The following TBC1D1 variants were observed in gnomAD, a reference collection of about 807,000 sequenced individuals.
TBC1D1 encodes the protein TBC1 (tre-2/USP6, BUB2, cdc16) domain family, member 1.
In TBC1D1, 89 loss-of-function variants were observed where a neutral mutation model predicts 125.6. The ratio of observed to expected loss-of-function variants is 0.71; its 90% CI spans 0.60 to 0.85. TBC1D1 has a LOEUF of 0.85. Ranked by LOEUF, TBC1D1 falls within the 40% of genes least tolerant of loss-of-function variation. The pLI is 0.00. For synonymous variants in TBC1D1, 565 were observed against 564.1 expected, an observed-to-expected ratio of 1.00 and a Z score of -0.02; for missense variants, 1,377 against 1,469.2, an observed-to-expected ratio of 0.94 and a Z score of 1.03.
At chr4:38,079,345 T>G (rs1430909684) in intron 12 of TBC1D1, among the ~76,000 whole-genome samples, 1 of 152,212 alleles carries the variant, frequency 6.6e-6, no homozygotes, top group African/African-American at 2.4e-5. Context: ...TAATACATTC[T>G]TAAGAAAATG....
At chr4:38,090,838 A>G (rs541132033) in intron 13 of TBC1D1, among the ~76,000 whole-genome samples, 2 of 152,258 alleles carry the variant, frequency 1.3e-5, no homozygotes, top group Non-Finnish European at 2.9e-5. Context: ...GGGAAGATGT[A>G]GCAGATGGTT....
intron 7 of TBC1D1, among the ~76,000 whole-genome samples, chr4:38,028,661 A>T (rs758934012): frequency 6.6e-6 from 1 of 152,218 alleles, no homozygotes; most frequent in Non-Finnish European, 1.5e-5. Flanking sequence ...TTCCTTAAAC[A>T]AATGTTAGAA....
chr4:38,068,804 C>T (rs1349747487), intron 12 of TBC1D1, among the ~76,000 whole-genome samples: 2 of 152,202 alleles, frequency 1.3e-5, no homozygotes, highest in African/African-American at 2.4e-5. Context: ...GAGCAGAGCT[C>T]TAGAACATTC....
At chr4:38,130,958 C>G (rs1294705163) in intron 18 of TBC1D1, among the ~76,000 whole-genome samples, 1 of 152,168 alleles carries the variant, frequency 6.6e-6, no homozygotes, top group Non-Finnish European at 1.5e-5. Flanking sequence ...CTTTTCTTTC[C>G]CCAAGTAATT....
chr4:37,982,068 A>G (rs1035604222), intron 2 of TBC1D1, among the ~76,000 whole-genome samples: 4 of 152,320 alleles, frequency 2.6e-5, no homozygotes, highest in African/African-American at 9.6e-5. Flanking sequence ...TTGCCCTTCC[A>G]TCATCTCTTT....
intron 2 of TBC1D1, among the ~76,000 whole-genome samples, chr4:37,934,460 G>A (rs1000579913): frequency 6.6e-6 from 1 of 152,192 alleles, no homozygotes; most frequent in Non-Finnish European, 1.5e-5. Flanking sequence ...TAAGTCACAG[G>A]CTGGGCGAGG....
intron 12 of TBC1D1, among the ~76,000 whole-genome samples, chr4:38,066,358 T>G (rs1299625681): frequency 6.6e-6 from 1 of 152,024 alleles, no homozygotes; most frequent in East Asian, 1.9e-4. Flanking sequence ...TGACAGGGTC[T>G]TGCTCTGTCA....
At chr4:38,071,529 T>C (rs1013627465) in intron 12 of TBC1D1, among the ~76,000 whole-genome samples, 9 of 152,352 alleles carry the variant, frequency 5.9e-5, no homozygotes, top group Middle Eastern at 6.8e-3. Flanking sequence ...AATAGGTAAG[T>C]TAGCCTTAGG....
chr4:38,005,973 C>T (rs1228315680), intron 2 of TBC1D1, among the ~76,000 whole-genome samples: 1 of 152,030 alleles, frequency 6.6e-6, no homozygotes, highest in Non-Finnish European at 1.5e-5. Context: ...TTGCAAATTA[C>T]CCGTGTTTTT....
intron 2 of TBC1D1, among the ~76,000 whole-genome samples, chr4:37,934,153 G>C (rs1723894187): frequency 6.6e-6 from 1 of 152,202 alleles, no homozygotes; most frequent in South Asian, 2.1e-4. Context: ...TCCAAATGCT[G>C]AGGCTGAGGC....
At chr4:38,119,995 TAACA>T in intron 17 of TBC1D1, 1 of 985,370 alleles carries the variant, frequency 1.0e-6, no homozygotes, top group Non-Finnish European at 1.2e-6. Context: ...AAAAAGACGT[TAACA>T]AACAAGCAGA....
intron 2 of TBC1D1, among the ~76,000 whole-genome samples, chr4:37,957,163 C>G (rs1184696324): frequency 6.6e-6 from 1 of 152,200 alleles, no homozygotes; most frequent in East Asian, 1.9e-4. Context: ...TTGTATAATA[C>G]TCATGGCCAC....
At chr4:37,952,437 A>T (rs2152319798) in intron 2 of TBC1D1, 1 of 212,054 alleles carries the variant, frequency 4.7e-6, no homozygotes, top group Non-Finnish European at 9.7e-6. Context: ...ACCATGGAAT[A>T]CTATGCAGCC....
chr4:38,100,464 C>T (rs1277407201), intron 14 of TBC1D1, among the ~76,000 whole-genome samples: 1 of 152,190 alleles, frequency 6.6e-6, no homozygotes, highest in Admixed American at 6.5e-5. Context: ...GAATGCTTGT[C>T]ACTGGATATA....
At chr4:38,051,511 C>G (rs2152481604) in intron 11 of TBC1D1, among the ~76,000 whole-genome samples, 1 of 152,136 alleles carries the variant, frequency 6.6e-6, no homozygotes, top group Admixed American at 6.5e-5. Context: ...AAGTGGCTCA[C>G]TCCTGTAATC....
chr4:38,029,354 G>A (rs1436039164), intron 7 of TBC1D1, among the ~76,000 whole-genome samples: 1 of 152,048 alleles, frequency 6.6e-6, no homozygotes, highest in Non-Finnish European at 1.5e-5. Context: ...AAAATGAAAG[G>A]ATTGTCTCTC....
At chr4:38,090,902 C>T (rs192834313) in intron 13 of TBC1D1, among the ~76,000 whole-genome samples, 1 of 152,332 alleles carries the variant, frequency 6.6e-6, no homozygotes, top group Admixed American at 6.5e-5. Context: ...ACATTTCATT[C>T]AGCATCATTC....
At chr4:37,924,076 G>A (rs1024177148) in intron 2 of TBC1D1, among the ~76,000 whole-genome samples, 8 of 152,140 alleles carry the variant, frequency 5.3e-5, no homozygotes, top group Admixed American at 2.0e-4. Context: ...AGACCCAGTC[G>A]TCTTACTCTC....
intron 1 of TBC1D1, among the ~76,000 whole-genome samples, chr4:37,900,182 G>C (rs1055867126): frequency 6.6e-6 from 1 of 151,106 alleles, no homozygotes; most frequent in Non-Finnish European, 1.5e-5. Flanking sequence ...AAATTCGTCA[G>C]AGCAAACAAG....
Sources: allele counts gnomAD v4.1 joint callset (sites outside exome capture counted in the v4.1 genomes callset), GRCh38; gene constraint gnomAD v4.1.1; transcripts MANE v1.5; gene names NCBI Gene and HGNC (gene_info 2026-07-23, HGNC 2026-07-21).